YARS1: variants seen among roughly 807,000 people sequenced by gnomAD.
YARS1 encodes the protein tyrosyl-tRNA synthetase 1.
YARS1 carries 36 observed loss-of-function variants against 62.2 expected under a neutral mutation model. That is an observed-to-expected ratio of 0.58 (90% CI 0.44 to 0.76). YARS1 has a LOEUF of 0.76. YARS1 is among the 30% of genes least tolerant of loss of function. The pLI is 0.00. For synonymous variants in YARS1, 234 were observed against 244.9 expected, an observed-to-expected ratio of 0.96 and a Z score of 0.42; for missense variants, 524 against 639.8, an observed-to-expected ratio of 0.82 and a Z score of 1.95.
At chr1:32,810,458 A>G in intron 3 of YARS1, 133 bp downstream of exon 3, 1 of 1,209,608 alleles carries the variant, frequency 8.3e-7, no homozygotes, top group Non-Finnish European at 1.2e-6. Context: ...TTAATGGACA[A>G]AGTTTTAAAT....
In YARS1 at chr1:32,794,839, C is replaced by G. The variant is rs113358843; in HGVS notation, c.591+2924G>C. 5.0e-3 allele frequency among the ~76,000 whole-genome samples: 756 copies of G among 151,610 alleles called. 8 individuals carry two copies. Among genetic ancestry groups the G allele is most frequent in the African/African-American group, 0.017 (713 of 41,394 alleles). ...TGGCCAACATGGTGAAACCCCATCTCTACTAAAAATACAAAAATTAGCTGG... is the reference window on the plus strand; with the variant it reads ...TGGCCAACATGGTGAAACCCCATCTGTACTAAAAATACAAAAATTAGCTGG... On this transcript the variant is annotated intron_variant, in intron 5 of 12. Coordinates refer to ENST00000373477, the MANE Select transcript of YARS1 (RefSeq NM_003680.4).
chr1:32,775,722 T>A lies in YARS1; in HGVS notation c.*259A>T. On this transcript the variant is annotated 3_prime_UTR_variant, in exon 13 of 13. Transcript: ENST00000373477. ...TATATTGAAACCAGATTTCTCCAGC[T>A]GCCAAGGGAAGAAGGTAGGGCTGGA... 1.8e-6 allele frequency: 1 copy of A among 553,974 alleles called. No individual in the cohort carries two copies. Among genetic ancestry groups the A allele is most frequent in the Non-Finnish European group, 3.2e-6 (1 of 309,188 alleles). 34.3% of individuals were successfully genotyped at this position (553,974 alleles called of 1,614,324 possible). A position where few individuals can be genotyped will look rare whatever the true frequency, so the allele number is the denominator to read the frequency against.
intron 9 of YARS1, 189 bp from the exon 10 acceptor site, chr1:32,781,334 G>GTTCTCTC: frequency 1.6e-6 from 1 of 633,030 alleles, no homozygotes; most frequent in Non-Finnish European, 2.9e-6. Context: ...ATTTTCATCT[G>GTTCTCTC]TTCTCTCCCT....
At chr1:32,777,874 A>T (rs1004939766) in intron 12 of YARS1, among the ~76,000 whole-genome samples, 1 of 152,220 alleles carries the variant, frequency 6.6e-6, no homozygotes, top group Non-Finnish European at 1.5e-5. Flanking sequence ...AAAAGACCAG[A>T]AGGAAATAAT....
intron 6 of YARS1, among the ~76,000 whole-genome samples, chr1:32,787,962 T>A (rs1232479452): frequency 6.6e-6 from 1 of 152,008 alleles, no homozygotes; most frequent in Non-Finnish European, 1.5e-5. Flanking sequence ...AATAAAAAAT[T>A]AGCTGGGTGT....
At chr1:32,791,400 T>C in intron 5 of YARS1, 146 bp from the exon 6 acceptor site, 1 of 724,570 alleles carries the variant, frequency 1.4e-6, no homozygotes, top group Non-Finnish European at 2.4e-6. Flanking sequence ...TGACAGTGAC[T>C]GTAATTCAAG....
At position 32,779,732 on chromosome 1, in the gene YARS1, A is replaced by G. The variant is rs1304775686; in HGVS notation, c.1335-209T>C. 8 of 656,528 alleles carry G rather than the reference A, an allele frequency of 1.2e-5. No homozygotes were observed. The Admixed American group carries it at 2.3e-4, about 19-fold the overall frequency. The allele number at this position is 656,528 out of a possible 1,614,324, so 40.7% of individuals were successfully genotyped here. ...CAGGCTATACCAAAATTGTGTGTCA[A>G]GATACCAAAATCTGTGTTTCTAGGG... On this transcript the variant is annotated intron_variant, in intron 11 of 12. Coordinates refer to ENST00000373477, the MANE Select transcript of YARS1 (RefSeq NM_003680.4).
intron 8 of YARS1, 28 bp from the exon 9 acceptor site, chr1:32,782,567 A>T: frequency 6.2e-7 from 1 of 1,614,122 alleles, no homozygotes; most frequent in Admixed American, 1.7e-5. Flanking sequence ...ACCTAGTGAG[A>T]TAAAGTCTAG....
In YARS1 at chr1:32,775,721, C is replaced by T. The variant is rs544493865; in HGVS notation, c.*260G>A. ...TTATATTGAAACCAGATTTCTCCAG[C>T]TGCCAAGGGAAGAAGGTAGGGCTGG... On this transcript the variant is annotated 3_prime_UTR_variant, in exon 13 of 13. Transcript: ENST00000373477. The T allele has an allele frequency of 1.3e-4, 74 of 549,780 alleles. No homozygotes were observed. The highest frequency in any genetic ancestry group is 2.2e-4 in the Non-Finnish European group (68 of 306,812). The allele number at this position is 549,780 out of a possible 1,614,324, so 34.1% of individuals were successfully genotyped here. A position where few individuals can be genotyped will look rare whatever the true frequency, so the allele number is the denominator to read the frequency against.
chr1:32,786,340 A>T (rs1653225653), intron 8 of YARS1, 22 bp downstream of exon 8: 2 of 1,608,676 alleles, frequency 1.2e-6, no homozygotes, highest in South Asian at 2.2e-5. Flanking sequence ...TCATGAAAGG[A>T]TTCCTTTTCC....
At position 32,776,749 on chromosome 1, in the gene YARS1, G is replaced by A. The variant is rs186383067; in HGVS notation, c.1477-658C>T. ...CGGGAGGCCGAGGTGGGCGGATCACGAGGTCAGGAGATTGAGACCATCCTG... is the reference window on the plus strand; with the variant it reads ...CGGGAGGCCGAGGTGGGCGGATCACAAGGTCAGGAGATTGAGACCATCCTG... On this transcript the variant is annotated intron_variant, in intron 12 of 12. Coordinates refer to ENST00000373477, the MANE Select transcript of YARS1 (RefSeq NM_003680.4). This position sits in a 1 kb window ranked among gnomAD's most constrained non-coding sequence, Gnocchi z 4.0. Among the ~76,000 whole-genome samples, 326 of 152,100 alleles carry A rather than the reference G, an allele frequency of 2.1e-3. 3 individuals carry two copies. The highest frequency in any genetic ancestry group is 7.2e-3 in the African/African-American group (297 of 41,538).
intron 4 of YARS1, among the ~76,000 whole-genome samples, chr1:32,805,685 G>C (rs1638446629): frequency 6.6e-6 from 1 of 151,268 alleles, no homozygotes; most frequent in Non-Finnish European, 1.5e-5. Context: ...TGTGCGGCCG[G>C]GCACGGTAGC....
At chr1:32,778,740 T>C (rs1296887025) in intron 12 of YARS1, among the ~76,000 whole-genome samples, 25 of 145,908 alleles carry the variant, frequency 1.7e-4, no homozygotes, top group Middle Eastern at 3.5e-3. Flanking sequence ...TCTTTTCTTT[T>C]TTTTTTTTTT....
At chr1:32,790,948 C>G (rs1485028889) in intron 6 of YARS1, 1 of 558,916 alleles carries the variant, frequency 1.8e-6, no homozygotes, top group East Asian at 3.1e-5. Flanking sequence ...ATTTTTTTAT[C>G]AGCAGCAAAA....
At chr1:32,779,843 G>A in intron 11 of YARS1, 1 of 617,028 alleles carries the variant, frequency 1.6e-6, no homozygotes, top group Non-Finnish European at 2.8e-6. Flanking sequence ...CTAGTAGTAA[G>A]ACTTGGGTAT....
chr1:32,802,147 C>T (rs1201856854), intron 4 of YARS1, among the ~76,000 whole-genome samples: 1 of 151,966 alleles, frequency 6.6e-6, no homozygotes, highest in Non-Finnish European at 1.5e-5. Context: ...CGGGGTTTCA[C>T]CGTTTTAGCC....
Position 32,775,875 on chromosome 1 carries a change from G to A in YARS1, c.*106C>T, listed in dbSNP as rs112037794. ...TGCACCGAATAAAGAGTCCAAACCC[G>A]CTGCTTCCGTGTCCTGAGAGATGGG... is the stretch of plus-strand genomic sequence containing the variant. On this transcript the variant is annotated 3_prime_UTR_variant, in exon 13 of 13. Coordinates refer to ENST00000373477, the MANE Select transcript of YARS1 (RefSeq NM_003680.4). 835 of 1,076,494 alleles carry A rather than the reference G, an allele frequency of 7.8e-4. 9 individuals are homozygous for A. The African/African-American group carries it at 0.012, about 16-fold the overall frequency. The allele number at this position is 1,076,494 out of a possible 1,614,324, so 66.7% of individuals were successfully genotyped here.
At chr1:32,780,640 G>A in intron 10 of YARS1, 1 of 414,338 alleles carries the variant, frequency 2.4e-6, no homozygotes, top group South Asian at 2.2e-5. Flanking sequence ...CCAGAACAAT[G>A]GTCCCAGGCC....
At chr1:32,804,981 G>A (rs1029041834) in intron 4 of YARS1, among the ~76,000 whole-genome samples, 2 of 152,184 alleles carry the variant, frequency 1.3e-5, no homozygotes, top group Non-Finnish European at 2.9e-5. Context: ...CTGCAATCCC[G>A]GCACCTCGGG....
Sources: gnomAD v4.1 joint callset for allele counts (sites outside exome capture counted in the v4.1 genomes callset) on GRCh38, gnomAD v4.1.1 for gene constraint, Gnocchi (gnomAD v3.1) non-coding constraint, MANE v1.5 for transcripts, NCBI Gene and HGNC (gene_info 2026-07-23, HGNC 2026-07-21) for gene names.